PDE4D: variants seen among roughly 807,000 people sequenced by gnomAD.
PDE4D encodes the protein phosphodiesterase 4D.
In PDE4D, 24 loss-of-function variants were observed where a neutral mutation model predicts 87.4. The observed-to-expected ratio is 0.27, with a 90% confidence interval of 0.20 to 0.39. The LOEUF (loss-of-function observed/expected upper bound fraction) is 0.39. PDE4D is among the 10% of genes least tolerant of loss of function. The pLI is 1.00. For synonymous variants in PDE4D, 384 were observed against 383.2 expected, an observed-to-expected ratio of 1.00 and a Z score of -0.02; for missense variants, 714 against 1,041.0, an observed-to-expected ratio of 0.69 and a Z score of 4.32.
Position 59,609,045 on chromosome 5 carries a change from C to A in PDE4D, c.455+284123G>T, listed in dbSNP as rs73758824. On this transcript the variant is annotated intron_variant, in intron 1 of 14. Coordinates refer to ENST00000340635, the MANE Select transcript of PDE4D (RefSeq NM_001104631.2). ...AGCTGAGCCTTGAGATGACTGTAGC[C>A]CAAGCCAACAACTCGTGAGAGACCC... Among the ~76,000 whole-genome samples the A allele has an allele frequency of 1.0e-2, 1,519 of 152,106 alleles. 25 individuals are homozygous for A. The highest frequency in any genetic ancestry group is 0.033 in the African/African-American group (1,367 of 41,500).
intron 1 of PDE4D, among the ~76,000 whole-genome samples, chr5:59,421,645 T>C (rs926811165): frequency 2.6e-5 from 4 of 151,922 alleles, no homozygotes; most frequent in Admixed American, 1.3e-4. Flanking sequence ...AGATGATGAG[T>C]TCAATTTTGG....
intron 1 of PDE4D, chr5:60,430,233 G>A (rs1053180956): frequency 3.5e-5 from 18 of 517,926 alleles, no homozygotes; most frequent in African/African-American, 2.7e-4. Context: ...CGTTGATGGC[G>A]AATGACCCTT....
intron 1 of PDE4D, among the ~76,000 whole-genome samples, chr5:59,583,166 A>C (rs1824480724): frequency 6.6e-6 from 1 of 152,246 alleles, no homozygotes; most frequent in Non-Finnish European, 1.5e-5. Flanking sequence ...ATTTTTACAA[A>C]TAAGATTATA....
chr5:59,003,476 T>C (rs150294023), intron 6 of PDE4D, among the ~76,000 whole-genome samples: 141 of 152,328 alleles, frequency 9.3e-4, no homozygotes, highest in African/African-American at 3.2e-3. Flanking sequence ...TCAAAGTACA[T>C]CTTAGGACCA....
In PDE4D at chr5:60,212,164, A is replaced by AT. The variant is rs1342253560; in HGVS notation, c.-89-26478dup. On this transcript the variant is annotated intron_variant, in intron 1 of 16. Transcript: ENST00000502484. ...ATAGTAGCTCTTTGTCATTATATAT[A>AT]TATTTTTTTTCTCAAGTAACACATT... is the stretch of plus-strand genomic sequence containing the variant. Among the ~76,000 whole-genome samples, 17 of 149,260 alleles carry AT rather than the reference A, an allele frequency of 1.1e-4. 1 individual carries two copies. The highest frequency in any genetic ancestry group is 3.5e-4 in the African/African-American group (14 of 40,200).
intron 1 of PDE4D, among the ~76,000 whole-genome samples, chr5:59,305,443 G>A (rs1210269429): frequency 6.6e-6 from 1 of 151,376 alleles, no homozygotes; most frequent in Non-Finnish European, 1.5e-5. Flanking sequence ...TCTTCTGCTG[G>A]GTTTGGGTTT....
chr5:60,046,503 T>C (rs1458055559), intron 2 of PDE4D, among the ~76,000 whole-genome samples: 4 of 152,108 alleles, frequency 2.6e-5, no homozygotes, highest in African/African-American at 7.2e-5. Context: ...GGCTGTGGGT[T>C]TGTCATAGAT....
intron 1 of PDE4D, among the ~76,000 whole-genome samples, chr5:59,825,318 G>A (rs1182099818): frequency 6.6e-6 from 1 of 152,212 alleles, no homozygotes; most frequent in Non-Finnish European, 1.5e-5. Context: ...CTACGCTGAA[G>A]AACCATCTCA....
chr5:59,461,425 G>T (rs990330078), intron 1 of PDE4D, among the ~76,000 whole-genome samples: 1 of 151,890 alleles, frequency 6.6e-6, no homozygotes, highest in African/African-American at 2.4e-5. Flanking sequence ...ATTAAATCAG[G>T]TTCTCTTTAG....
chr5:60,338,906 G>T (rs1233453344), intron 1 of PDE4D, among the ~76,000 whole-genome samples: 1 of 152,096 alleles, frequency 6.6e-6, no homozygotes, highest in African/African-American at 2.4e-5. Context: ...TATCTGCAGG[G>T]CATATGTTCC....
intron 5 of PDE4D, among the ~76,000 whole-genome samples, chr5:59,044,241 T>G (rs937629401): frequency 6.6e-6 from 1 of 152,218 alleles, no homozygotes; most frequent in African/African-American, 2.4e-5. Flanking sequence ...TTTTAATGAT[T>G]GCCATTCTAA....
intron 2 of PDE4D, among the ~76,000 whole-genome samples, chr5:60,083,269 T>C (rs1363841886): frequency 1.3e-5 from 2 of 152,204 alleles, no homozygotes; most frequent in Admixed American, 6.5e-5. Flanking sequence ...AGAATTACAT[T>C]TCTCTCTCAC....
At chr5:59,147,615 T>C (rs146183090) in intron 5 of PDE4D, among the ~76,000 whole-genome samples, 222 of 152,342 alleles carry the variant, frequency 1.5e-3, no homozygotes, top group African/African-American at 5.1e-3. Context: ...GTTTTGATAC[T>C]GTTGAAATCT....
In PDE4D at chr5:59,530,833, A is replaced by G. The variant is rs1297743745; in HGVS notation, c.456-314865T>C. On this transcript the variant is annotated intron_variant, in intron 1 of 14. Transcript: ENST00000340635. ...CCAGCTCTAAATTTATTATAGCAAC[A>G]ACTCAGGATCAAATATAATTTGAGA... Among the ~76,000 whole-genome samples, 4 of 152,190 alleles carry G rather than the reference A, an allele frequency of 2.6e-5. No homozygotes were observed. In the East Asian group the frequency reaches 7.7e-4, roughly 29 times the overall value.
chr5:59,942,262 G>C (rs570398886), intron 3 of PDE4D, among the ~76,000 whole-genome samples: 1 of 152,312 alleles, frequency 6.6e-6, no homozygotes, highest in African/African-American at 2.4e-5. Flanking sequence ...TTACTGGGGA[G>C]TGGGTTAAAG....
chr5:59,565,839 A>G (rs561962684), intron 1 of PDE4D, among the ~76,000 whole-genome samples: 20 of 152,218 alleles, frequency 1.3e-4, no homozygotes, highest in African/African-American at 4.3e-4. Flanking sequence ...CTCCCCTCAT[A>G]TGAGAATTGA....
chr5:59,309,927 C>T (rs967938641), intron 1 of PDE4D, among the ~76,000 whole-genome samples: 32 of 152,174 alleles, frequency 2.1e-4, no homozygotes, highest in Admixed American at 1.8e-3. Flanking sequence ...TGTGCCTTGC[C>T]ATCTTTGGCT....
intron 1 of PDE4D, among the ~76,000 whole-genome samples, chr5:59,418,259 C>T (rs1793935516): frequency 6.6e-6 from 1 of 152,086 alleles, no homozygotes; most frequent in South Asian, 2.1e-4. Context: ...TTTTCATGAC[C>T]CTAAAAATAT....
At chr5:59,614,696 T>C in intron 1 of PDE4D, among the ~76,000 whole-genome samples, 1 of 152,234 alleles carries the variant, frequency 6.6e-6, no homozygotes, top group Non-Finnish European at 1.5e-5. Context: ...TAATTCAGTG[T>C]GACTTTCCTT....
Sources: allele counts gnomAD v4.1 joint callset (sites outside exome capture counted in the v4.1 genomes callset), GRCh38; gene constraint gnomAD v4.1.1; transcripts MANE v1.5; gene names NCBI Gene and HGNC (gene_info 2026-07-23, HGNC 2026-07-21).